SDK1: variants seen among roughly 807,000 people sequenced by gnomAD.
The protein encoded by SDK1 is protein sidekick-1.
Under a neutral mutation model 245.5 loss-of-function variants are expected in SDK1, and 157 were observed. That is an observed-to-expected ratio of 0.64 (90% confidence interval 0.56 to 0.73). The LOEUF (loss-of-function observed/expected upper bound fraction) is 0.73, where lower values mean the gene tolerates loss of function less well. Among genes scored for constraint, SDK1 ranks in the 30% least tolerant of loss-of-function variants. The probability of loss-of-function intolerance (pLI) is 0.00; values close to 1 mark genes in which losing one functional copy is unlikely to be tolerated. For missense variants in SDK1, 3,583 were observed against 3,002.3 expected (o/e 1.19, Z -4.52); for synonymous variants, 1,647 against 1,278.5 (o/e 1.29, Z -6.15).
At chr7:4,007,608 T>C (rs1337904191) in intron 14 of SDK1, among the ~76,000 whole-genome samples, 2 of 152,124 alleles carry the variant, frequency 1.3e-5, no homozygotes, top group African/African-American at 2.4e-5. Flanking sequence ...CATTATTTCC[T>C]TTAATTTGTT....
chr7:4,143,577 A>C (rs961330650), intron 28 of SDK1, among the ~76,000 whole-genome samples: 2 of 152,200 alleles, frequency 1.3e-5, no homozygotes, highest in African/African-American at 4.8e-5. Context: ...GCGGGATTCC[A>C]GCCCAGAGGT....
At chr7:4,155,710 C>T (rs901691371) in intron 30 of SDK1, among the ~76,000 whole-genome samples, 3 of 152,174 alleles carry the variant, frequency 2.0e-5, no homozygotes, top group Non-Finnish European at 2.9e-5. Context: ...AGGCAACCCC[C>T]CACCCCAGCC....
intron 1 of SDK1, among the ~76,000 whole-genome samples, chr7:3,366,720 T>G (rs1290379473): frequency 6.6e-6 from 1 of 152,138 alleles, no homozygotes; most frequent in Non-Finnish European, 1.5e-5. Flanking sequence ...ATATTGGATT[T>G]TTGATAATTA....
chr7:3,550,896 G>T (rs1426730026), intron 1 of SDK1, among the ~76,000 whole-genome samples: 2 of 152,128 alleles, frequency 1.3e-5, no homozygotes, highest in Non-Finnish European at 2.9e-5. Flanking sequence ...GTGGAGCCTA[G>T]TTGAAATTAG....
intron 1 of SDK1, among the ~76,000 whole-genome samples, chr7:3,347,087 G>A (rs1017369567): frequency 4.0e-5 from 6 of 151,282 alleles, no homozygotes; most frequent in African/African-American, 1.2e-4. Context: ...TTGCATCTTC[G>A]TGCTTCTGTT....
At chr7:3,778,587 A>G (rs1428389839) in intron 4 of SDK1, among the ~76,000 whole-genome samples, 1 of 152,240 alleles carries the variant, frequency 6.6e-6, no homozygotes, top group Non-Finnish European at 1.5e-5. Context: ...GCATAAGTGT[A>G]TGTTTTGTAT....
chr7:3,414,719 C>T (rs547817562), intron 1 of SDK1, among the ~76,000 whole-genome samples: 111 of 152,240 alleles, frequency 7.3e-4, no homozygotes, highest in Admixed American at 1.2e-3. Flanking sequence ...AGAAAGCAAC[C>T]CTGCGCTCAC....
intron 1 of SDK1, among the ~76,000 whole-genome samples, chr7:3,502,908 T>A (rs1258776758): frequency 6.6e-6 from 1 of 152,158 alleles, no homozygotes; most frequent in Non-Finnish European, 1.5e-5. Flanking sequence ...GAGATGAAGA[T>A]GTTAATGCTG....
At chr7:3,463,754 G>C (rs1007149752) in intron 1 of SDK1, among the ~76,000 whole-genome samples, 2 of 152,116 alleles carry the variant, frequency 1.3e-5, no homozygotes, top group African/African-American at 4.8e-5. Context: ...TTGAATGCTG[G>C]TCTCTCCATA....
intron 1 of SDK1, among the ~76,000 whole-genome samples, chr7:3,332,035 C>T (rs1296602928): frequency 6.6e-6 from 1 of 152,086 alleles, no homozygotes; most frequent in Non-Finnish European, 1.5e-5. Context: ...TATTAAGCCT[C>T]TTTATGCTTA....
chr7:3,733,305 A>G (rs1779231211), intron 4 of SDK1, among the ~76,000 whole-genome samples: 1 of 152,230 alleles, frequency 6.6e-6, no homozygotes, highest in Admixed American at 6.5e-5. Context: ...AGATACTATA[A>G]TTGGGAAGCC....
chr7:3,687,350 A>T (rs931718267), intron 4 of SDK1, among the ~76,000 whole-genome samples: 26 of 151,950 alleles, frequency 1.7e-4, no homozygotes, highest in African/African-American at 6.3e-4. Flanking sequence ...GATAGTCTCC[A>T]TCTCTTGACC....
chr7:3,885,496 A>G (rs1353289477), intron 5 of SDK1, among the ~76,000 whole-genome samples: 1 of 152,090 alleles, frequency 6.6e-6, no homozygotes, highest in Non-Finnish European at 1.5e-5. Flanking sequence ...GTCACTTACT[A>G]AGAACCCACC....
intron 4 of SDK1, among the ~76,000 whole-genome samples, chr7:3,720,681 T>C (rs142334675): frequency 6.6e-6 from 1 of 152,352 alleles, no homozygotes; most frequent in East Asian, 1.9e-4. Flanking sequence ...TGAGAATTTC[T>C]TCCCAACTTA....
intron 38 of SDK1, among the ~76,000 whole-genome samples, chr7:4,213,798 T>C (rs909927906): frequency 1.1e-4 from 16 of 152,168 alleles, no homozygotes; most frequent in Non-Finnish European, 2.4e-4. Flanking sequence ...GTGTTTTCAG[T>C]GTTGCCGTTT....
chr7:3,711,064 C>T (rs375956934), intron 4 of SDK1, among the ~76,000 whole-genome samples: 7 of 152,212 alleles, frequency 4.6e-5, no homozygotes, highest in African/African-American at 1.7e-4. Context: ...AATTTGATGG[C>T]AACTTATATT....
intron 1 of SDK1, among the ~76,000 whole-genome samples, chr7:3,519,457 T>C (rs532858180): frequency 2.6e-4 from 40 of 152,262 alleles, no homozygotes; most frequent in African/African-American, 8.7e-4. Flanking sequence ...AATTACACTT[T>C]TGGGGATTTG....
chr7:3,868,141 C>A (rs867208895), intron 5 of SDK1, among the ~76,000 whole-genome samples: 3 of 152,216 alleles, frequency 2.0e-5, no homozygotes, highest in Admixed American at 6.5e-5. Context: ...AGGAATGAGT[C>A]ATAGGTCAGC....
intron 17 of SDK1, among the ~76,000 whole-genome samples, chr7:4,024,571 C>A (rs1787181663): frequency 2.0e-5 from 3 of 152,306 alleles, no homozygotes; most frequent in African/African-American, 7.2e-5. Context: ...TTAGGGGAAG[C>A]CACTGTGTAC....
Sources: allele counts gnomAD v4.1 joint callset (sites outside exome capture counted in the v4.1 genomes callset), GRCh38; gene constraint gnomAD v4.1.1; transcripts MANE v1.5; gene names NCBI Gene and HGNC (gene_info 2026-07-23, HGNC 2026-07-21).